The following SLC67A2 variants were observed in gnomAD, a reference collection of about 807,000 sequenced individuals.
SLC67A2 encodes the protein solute carrier family 67 member A2.
chr2:102,722,388 T>C, the SLC67A2 span, among the ~76,000 whole-genome samples: 6 of 152,218 alleles, frequency 3.9e-5, no homozygotes, highest in Non-Finnish European at 5.9e-5. Flanking sequence ...GGTCTGCCCA[T>C]CACCTACCAC....
the SLC67A2 span, chr2:102,723,928 C>T: frequency 1.9e-6 from 3 of 1,601,860 alleles, no homozygotes; most frequent in Middle Eastern, 1.7e-4. Flanking sequence ...GGATGAGAAA[C>T]ATGCTCTGTA....
At chr2:102,724,663 C>A in the SLC67A2 span, among the ~76,000 whole-genome samples, 1 of 152,194 alleles carries the variant, frequency 6.6e-6, no homozygotes, top group Non-Finnish European at 1.5e-5. Flanking sequence ...ATAGTAGAAA[C>A]TGAATAAATG....
the SLC67A2 span, chr2:102,736,830 C>T: frequency 6.3e-7 from 1 of 1,588,356 alleles, no homozygotes. Flanking sequence ...GGCCGGGGGT[C>T]GGACGCAGCA....
chr2:102,727,096 C>T, the SLC67A2 span: 1 of 1,057,860 alleles, frequency 9.5e-7, no homozygotes. Flanking sequence ...TCCTCAGATG[C>T]TCAGTTCCAT....
At chr2:102,718,737 A>G in the SLC67A2 span, 1 of 1,613,840 alleles carries the variant, frequency 6.2e-7, no homozygotes, top group Non-Finnish European at 8.5e-7. Context: ...GTGGGGGCCA[A>G]GGAGTAGAGC....
the SLC67A2 span, chr2:102,731,165 T>C: frequency 2.2e-6 from 2 of 920,386 alleles, no homozygotes; most frequent in Non-Finnish European, 1.7e-6. Context: ...AGAAAAACAT[T>C]AGGGTAAGAT....
chr2:102,717,498 C>T, the SLC67A2 span: 1 of 152,350 alleles, frequency 6.6e-6, no homozygotes, highest in Non-Finnish European at 1.5e-5. Flanking sequence ...GGAATGCAGG[C>T]TTCCAGGAGC....
At chr2:102,726,946 C>T in the SLC67A2 span, 51 of 1,613,392 alleles carry the variant, frequency 3.2e-5, no homozygotes, top group East Asian at 4.5e-4. Flanking sequence ...CAAGGAAGAC[C>T]GTCTTCCCAC....
the SLC67A2 span, chr2:102,716,811 G>C: frequency 6.6e-6 from 1 of 152,158 alleles, no homozygotes; most frequent in Non-Finnish European, 1.5e-5. Flanking sequence ...CTGACAGGAA[G>C]CCCTTAAGTA....
At chr2:102,715,182 G>A in the SLC67A2 span, among the ~76,000 whole-genome samples, 1 of 152,102 alleles carries the variant, frequency 6.6e-6, no homozygotes, top group South Asian at 2.1e-4. Context: ...TCCTTGCTGC[G>A]GCTAGAGAGC....
the SLC67A2 span, chr2:102,731,199 A>G: frequency 1.7e-6 from 1 of 600,554 alleles, no homozygotes; most frequent in Admixed American, 3.7e-5. Context: ...AAATTATCTC[A>G]CATCTTTTTT....
the SLC67A2 span, among the ~76,000 whole-genome samples, chr2:102,723,332 G>A: frequency 6.6e-6 from 1 of 152,182 alleles, no homozygotes; most frequent in African/African-American, 2.4e-5. Flanking sequence ...AACCGGGTAT[G>A]GTGGCATATG....
chr2:102,723,648 A>T, the SLC67A2 span: 1 of 1,519,214 alleles, frequency 6.6e-7, no homozygotes, highest in Non-Finnish European at 9.1e-7. Context: ...AAAAGTAGGT[A>T]AATTGGTCAG....
chr2:102,726,815 T>TTAA, the SLC67A2 span: 1 of 1,444,614 alleles, frequency 6.9e-7, no homozygotes, highest in Non-Finnish European at 9.1e-7. Flanking sequence ...AAGCTACGTT[T>TTAA]GAAAAAAAAA....
chr2:102,732,349 C>T, the SLC67A2 span: 2 of 1,613,780 alleles, frequency 1.2e-6, no homozygotes, highest in Non-Finnish European at 1.7e-6. Context: ...GTTGGACTTG[C>T]TCCAAGGGAC....
the SLC67A2 span, among the ~76,000 whole-genome samples, chr2:102,724,580 C>G: frequency 3.3e-5 from 5 of 152,228 alleles, no homozygotes; most frequent in African/African-American, 1.2e-4. Context: ...AGACCCCCCA[C>G]GTGCAGAACA....
At chr2:102,715,500 G>T in the SLC67A2 span, among the ~76,000 whole-genome samples, 2 of 152,058 alleles carry the variant, frequency 1.3e-5, no homozygotes, top group East Asian at 3.9e-4. Context: ...AGCCTTGCAG[G>T]TGACTCCTGT....
chr2:102,736,797 C>T, the SLC67A2 span: 30 of 1,610,248 alleles, frequency 1.9e-5, no homozygotes, highest in African/African-American at 3.7e-4. Flanking sequence ...GTCCCAGTGA[C>T]CCCCAAGCTC....
chr2:102,732,506 A>C, the SLC67A2 span: 6 of 1,011,568 alleles, frequency 5.9e-6, no homozygotes, highest in Admixed American at 2.7e-5. Flanking sequence ...CCAATATCTA[A>C]AATTTTAAAC....
Sources: allele counts gnomAD v4.1 joint callset (sites outside exome capture counted in the v4.1 genomes callset), GRCh38; gene constraint gnomAD v4.1.1; transcripts MANE v1.5; gene names NCBI Gene and HGNC (gene_info 2026-07-23, HGNC 2026-07-21).